Variants in ALG11 observed in about 807,000 individuals in gnomAD.
ALG11 encodes ALG11 alpha-1,2-mannosyltransferase.
ALG11 carries 26 observed loss-of-function variants against 38.8 expected under a neutral mutation model. That is an observed-to-expected ratio of 0.67 (90% CI 0.49 to 0.93). The LOEUF is 0.93. Among genes scored for constraint, ALG11 ranks in the 40% least tolerant of loss-of-function variants. The pLI is 0.00. For missense variants in ALG11, 535 were observed against 578.8 expected (o/e 0.92, Z 0.78); for synonymous variants, 199 against 211.6 (o/e 0.94, Z 0.52).
chr13:52,012,472 C>A lies in ALG11; in HGVS notation c.44+10C>A, dbSNP rs751800577. ...TGTGCAAGTTGTTGAGGTGAGCAGC[C>A]GGTCGTGTGGGCTCACAGACGTTTT... On this transcript the variant is annotated intron_variant, in intron 1 of 3. Transcript: ENST00000521508. 4 of 1,613,984 alleles carry A rather than the reference C, an allele frequency of 2.5e-6. No individual in the cohort carries two copies. The highest frequency in any genetic ancestry group is 3.4e-6 in the Non-Finnish European group (4 of 1,180,052).
rs1449391474 is a variant in ALG11, at chr13:52,030,614, A to T, written c.*2024A>T. On this transcript the variant is annotated 3_prime_UTR_variant, in exon 4 of 4. Coordinates refer to ENST00000521508, the MANE Select transcript of ALG11 (RefSeq NM_001004127.3). Reference sequence around the variant, plus strand: ...GGAAGCTTTTGCTGGGGATGATGTCATCAGAGATTTCTTGAAAGAGAAGAG... The same window carrying T: ...GGAAGCTTTTGCTGGGGATGATGTCTTCAGAGATTTCTTGAAAGAGAAGAG... 1 of 1,614,216 alleles carries T rather than the reference A, an allele frequency of 6.2e-7. No individual in the cohort carries two copies.
At chr13:52,019,423 A>G (rs933846283) in intron 2 of ALG11, among the ~76,000 whole-genome samples, 9 of 152,024 alleles carry the variant, frequency 5.9e-5, no homozygotes, top group South Asian at 2.1e-4. Context: ...GGGTTTCACC[A>G]TGTTAGCCAG....
rs1377845800 is a variant in ALG11, at chr13:52,024,576, T to C, written c.846T>C (p.Cys282=). The change falls in exon 3 of 4, where the codon TGT becomes TGC. Residue 282 remains cysteine, a synonymous_variant. Coordinates refer to ENST00000521508, the MANE Select transcript of ALG11 (RefSeq NM_001004127.3). ...GCACTAACATTGTTTATCCACCTTGTGATGTGCAGACATTTCTGGACATTC... is the reference window on the plus strand; with the variant it reads ...GCACTAACATTGTTTATCCACCTTGCGATGTGCAGACATTTCTGGACATTC... The part of the protein sequence containing the change: ...GNCTNIVYPP[C]DVQTFLDIPL... 1 of 1,614,214 alleles carries C rather than the reference T, an allele frequency of 6.2e-7. No individual in the cohort carries two copies. Among genetic ancestry groups the C allele is most frequent in the South Asian group, 1.1e-5 (1 of 91,072 alleles).
chr13:52,024,793 A>G lies in ALG11; in HGVS notation c.1063A>G (p.Asn355Asp), dbSNP rs1477782744. 5 of 1,614,220 alleles carry G rather than the reference A, an allele frequency of 3.1e-6. No homozygotes were observed. The East Asian group carries it at 6.7e-5, about 22-fold the overall frequency. ...TAACAAAGATGATGAACTTAGGGTA[A>G]ACCAACTGAGAAGGCTGTCTGAGGA... ...CRNKDDELRV[N>D]QLRRLSEDLG... Residue 355 changes from asparagine (N) to aspartate (D), a missense_variant, in exon 3 of 4, where the codon AAC becomes GAC. Coordinates refer to ENST00000521508, the MANE Select transcript of ALG11 (RefSeq NM_001004127.3).
At position 52,028,974 on chromosome 13, in the gene ALG11, G is replaced by C; in HGVS notation, c.*384G>C. 3 of 1,614,246 alleles carry C rather than the reference G, an allele frequency of 1.9e-6. No homozygotes were observed. The highest frequency in any genetic ancestry group is 2.5e-6 in the Non-Finnish European group (3 of 1,180,042). On this transcript the variant is annotated 3_prime_UTR_variant, in exon 4 of 4. Transcript: ENST00000521508. The stretch of plus-strand genomic sequence containing the variant: ...ATCATTTCCCTTGATGGAAAGAATA[G>C]GCGGAAATTGGCTGAGAGGTCTGAG...
chr13:52,014,199 G>A (rs993727716), intron 1 of ALG11, among the ~76,000 whole-genome samples: 2 of 152,146 alleles, frequency 1.3e-5, no homozygotes, highest in Admixed American at 6.5e-5. Flanking sequence ...TCACTAGATT[G>A]AATGCAGAAA....
At position 52,033,387 on chromosome 13, in the gene ALG11, G is replaced by T. The variant is rs1954325404; in HGVS notation, c.*4797G>T. On this transcript the variant is annotated 3_prime_UTR_variant, in exon 4 of 4. Transcript: ENST00000521508. ...TTATTTGTAAATATTATTTAGATTT[G>T]TATTTAGACATGATTTATATCTAAT... 6.0e-6 allele frequency: 1 copy of T among 166,944 alleles called. No homozygotes were observed. Among genetic ancestry groups the T allele is most frequent in the African/African-American group, 2.4e-5 (1 of 41,394 alleles). The allele number at this position is 166,944 out of a possible 1,614,324, so 10.3% of individuals were successfully genotyped here. A position where few individuals can be genotyped will look rare whatever the true frequency, so the allele number is the denominator to read the frequency against.
intron 2 of ALG11, chr13:52,023,269 A>C (rs965970853): frequency 1.2e-4 from 18 of 152,232 alleles, no homozygotes; most frequent in African/African-American, 4.3e-4. Context: ...TCTCATTCAT[A>C]AATCAACACT....
At position 52,030,216 on chromosome 13, in the gene ALG11, C is replaced by G. The variant is rs56058260; in HGVS notation, c.*1626C>G. The G allele has an allele frequency of 8.1e-6, 13 of 1,613,996 alleles. No individual in the cohort carries two copies. The highest frequency in any genetic ancestry group is 1.0e-5 in the Non-Finnish European group (12 of 1,180,040). On this transcript the variant is annotated 3_prime_UTR_variant, in exon 4 of 4. Transcript: ENST00000521508. ...CAGAAATTGAAGGAAAAACATCAGTCCAGGAAGCAAAAAGCAAGTTCAGAG... is the reference window on the plus strand; with the variant it reads ...CAGAAATTGAAGGAAAAACATCAGTGCAGGAAGCAAAAAGCAAGTTCAGAG...
intron 1 of ALG11, among the ~76,000 whole-genome samples, chr13:52,015,593 A>G (rs532329418): frequency 6.6e-4 from 100 of 152,152 alleles, no homozygotes; most frequent in Middle Eastern, 3.4e-3. Context: ...AATCTTTCCC[A>G]TGCTATTCTC....
chr13:52,024,892 G>A lies in ALG11; in HGVS notation c.1162G>A (p.Ala388Thr), dbSNP rs1239264272. 1 of 1,612,904 alleles carries A rather than the reference G, an allele frequency of 6.2e-7. No homozygotes were observed. Among genetic ancestry groups the A allele is most frequent in the Non-Finnish European group, 8.5e-7 (1 of 1,180,012 alleles). Residue 388 changes from alanine (A) to threonine (T), a missense_variant, in exon 3 of 4, where the codon GCA (alanine) becomes ACA (threonine). Transcript: ENST00000521508. ...TGAATTAAAGAATTATTTGTCTGAA[G>A]CAACAATTGGTCTGCATACCATGTG... Reference protein sequence around the residue: ...FDELKNYLSEATIGLHTMWNE... With the variant: ...FDELKNYLSETTIGLHTMWNE...
In ALG11 at chr13:52,029,490, C is replaced by T. The variant is rs1954275935; in HGVS notation, c.*900C>T. 2.5e-6 allele frequency: 4 copies of T among 1,614,182 alleles called. No homozygotes were observed. Among genetic ancestry groups the T allele is most frequent in the Non-Finnish European group, 2.5e-6 (3 of 1,180,038 alleles). On this transcript the variant is annotated 3_prime_UTR_variant, in exon 4 of 4. Transcript: ENST00000521508. ...ATGCACCGAGCAGAGCTTCAGAGGG[C>T]TCGGGCTCTGCAGTCCTACTATGAG...
At position 52,012,409 on chromosome 13, in the gene ALG11, T is replaced by G. The variant is rs1231108393; in HGVS notation, c.-10T>G. On this transcript the variant is annotated 5_prime_UTR_variant, in exon 1 of 4. Coordinates refer to ENST00000521508, the MANE Select transcript of ALG11 (RefSeq NM_001004127.3). ...GTGAAGCGTTTCCTGAGTTCGGGGG[T>G]CGGCGGAAGATGGCGGCCGGCGAAA... 6.2e-7 allele frequency: 1 copy of G among 1,613,776 alleles called. No homozygotes were observed. Among genetic ancestry groups the G allele is most frequent in the Non-Finnish European group, 8.5e-7 (1 of 1,180,022 alleles).
At position 52,021,013 on chromosome 13, in the gene ALG11, TC is replaced by T. The variant is rs1954179425; in HGVS notation, c.275+1871del. On this transcript the variant is annotated intron_variant, in intron 2 of 3. Transcript: ENST00000521508. ...GGGGGTTGAGATTAAGAGAACAAGA[TC>T]GATCAAGTCCTTCTCTCCTGGACGT... The T allele has an allele frequency of 2.6e-5, 4 of 152,216 alleles. No individual in the cohort carries two copies. The South Asian group carries it at 8.3e-4, about 32-fold the overall frequency. The allele number at this position is 152,216 out of a possible 1,614,324, so 9.4% of individuals were successfully genotyped here.
In ALG11 at chr13:52,029,346, C is replaced by T. The variant is rs1593906750; in HGVS notation, c.*756C>T. ...GCGCTCAGTGGCTGGAAGGCAAGAA[C>T]TCCCCTGGAGCAGGAAATTTTTAAC... On this transcript the variant is annotated 3_prime_UTR_variant, in exon 4 of 4. Coordinates refer to ENST00000521508, the MANE Select transcript of ALG11 (RefSeq NM_001004127.3). The T allele has an allele frequency of 6.2e-7, 1 of 1,614,154 alleles. No individual in the cohort carries two copies. Among genetic ancestry groups the T allele is most frequent in the Non-Finnish European group, 8.5e-7 (1 of 1,180,036 alleles).
chr13:52,024,284 TTAAG>T lies in ALG11; in HGVS notation c.557_560del (p.Lys186IlefsTer2). 6.2e-7 allele frequency: 1 copy of T among 1,614,138 alleles called. No homozygotes were observed. Among genetic ancestry groups the T allele is most frequent in the Non-Finnish European group, 8.5e-7 (1 of 1,180,018 alleles). ...GGATACGCTTTTACGCTTCCTCTGT[TTAAG>T]TATATAGGGGGTTGCCAAGTTGGAA... On this transcript the variant is annotated frameshift_variant, in exon 3 of 4. Coordinates refer to ENST00000521508, the MANE Select transcript of ALG11 (RefSeq NM_001004127.3). LOFTEE classifies it high-confidence loss of function.
intron 3 of ALG11, among the ~76,000 whole-genome samples, chr13:52,028,076 T>C (rs1009312011): frequency 6.6e-6 from 1 of 151,698 alleles, no homozygotes; most frequent in African/African-American, 2.4e-5. Flanking sequence ...CTGGGCAACA[T>C]AGTGAGACCC....
chr13:52,031,018 C>T lies in ALG11; in HGVS notation c.*2428C>T. ...CCATAAAAGCAGAGGATGTGGGCTA[C>T]CAGTCTTCCTCAAGGTCAGACCTGC... On this transcript the variant is annotated 3_prime_UTR_variant, in exon 4 of 4. Coordinates refer to ENST00000521508, the MANE Select transcript of ALG11 (RefSeq NM_001004127.3). 1.2e-6 allele frequency: 2 copies of T among 1,614,170 alleles called. No homozygotes were observed.
Position 52,033,449 on chromosome 13 carries a change from A to C in ALG11, c.*4859A>C, listed in dbSNP as rs1475078401. 6.0e-6 allele frequency: 1 copy of C among 167,102 alleles called. No individual in the cohort carries two copies. 10.4% of individuals were successfully genotyped at this position (167,102 alleles called of 1,614,324 possible). A position where few individuals can be genotyped will look rare whatever the true frequency, so the allele number is the denominator to read the frequency against. On this transcript the variant is annotated 3_prime_UTR_variant, in exon 4 of 4. Coordinates refer to ENST00000521508, the MANE Select transcript of ALG11 (RefSeq NM_001004127.3). The stretch of plus-strand genomic sequence containing the variant: ...GTCTGTGTCTAAATATTATTTAAAG[A>C]AGTGATTTTTCATTCTCTTGGATTC...
Sources: gnomAD v4.1 joint callset for allele counts (sites outside exome capture counted in the v4.1 genomes callset) on GRCh38, gnomAD v4.1.1 for gene constraint, MANE v1.5 for transcripts, NCBI Gene and HGNC (gene_info 2026-07-23, HGNC 2026-07-21) for gene names.